Variants in SLC4A4 observed in about 807,000 individuals in gnomAD.
SLC4A4 encodes the protein solute carrier family 4 member 4.
Under a neutral mutation model 111.5 loss-of-function variants are expected in SLC4A4, and 27 were observed. That is an observed-to-expected ratio of 0.24 (90% CI 0.18 to 0.33). The LOEUF (loss-of-function observed/expected upper bound fraction) is 0.33, where lower values mean the gene tolerates loss of function less well. SLC4A4 is among the 10% of genes least tolerant of loss of function. The probability of loss-of-function intolerance (pLI) is 1.00; values close to 1 mark genes in which losing one functional copy is unlikely to be tolerated. For synonymous variants in SLC4A4, 443 were observed against 463.4 expected, an observed-to-expected ratio of 0.96 and a Z score of 0.57; for missense variants, 909 against 1,315.5, an observed-to-expected ratio of 0.69 and a Z score of 4.78.
intron 2 of SLC4A4, among the ~76,000 whole-genome samples, chr4:71,169,254 G>C (rs537337970): frequency 6.6e-6 from 1 of 151,700 alleles, no homozygotes; most frequent in South Asian, 2.1e-4. Flanking sequence ...GACCTCAGGT[G>C]ATCCACCTGC....
At chr4:71,092,701 T>G (rs923719906) in intron 1 of SLC4A4, among the ~76,000 whole-genome samples, 1 of 152,236 alleles carries the variant, frequency 6.6e-6, no homozygotes, top group African/African-American at 2.4e-5. Flanking sequence ...TTGAGATACA[T>G]CAAGTAATTG....
At chr4:71,182,742 A>ACACACT (rs1188143392), upstream of SLC4A4, among the ~76,000 whole-genome samples, 1 of 128,368 alleles carries the variant, frequency 7.8e-6, no homozygotes, top group African/African-American at 3.0e-5. Context: ...ACACACACAC[A>ACACACT]CTCTCTCTCA....
intron 6 of SLC4A4, among the ~76,000 whole-genome samples, chr4:71,373,792 A>C (rs554515131): frequency 2.0e-5 from 3 of 152,268 alleles, no homozygotes; most frequent in South Asian, 2.1e-4. Flanking sequence ...CGACTGTGGA[A>C]GTGGAAAGGA....
intron 16 of SLC4A4, among the ~76,000 whole-genome samples, chr4:71,506,666 G>C (rs149547621): frequency 2.6e-5 from 4 of 152,052 alleles, no homozygotes; most frequent in Non-Finnish European, 5.9e-5. Flanking sequence ...TTTGGAAAAC[G>C]CATTTCAGGA....
At chr4:71,550,538 C>G (rs1322746249) in intron 20 of SLC4A4, among the ~76,000 whole-genome samples, 1 of 151,846 alleles carries the variant, frequency 6.6e-6, no homozygotes, top group Non-Finnish European at 1.5e-5. Context: ...GAGTAGGAAA[C>G]CTTTTTTCCT....
chr4:71,155,270 A>G (rs1744427648), intron 2 of SLC4A4, among the ~76,000 whole-genome samples: 2 of 152,120 alleles, frequency 1.3e-5, no homozygotes, highest in South Asian at 2.1e-4. Flanking sequence ...TGGTTCTTTC[A>G]TCTGTGAATA....
At chr4:71,547,292 G>A (rs1018308972) in intron 19 of SLC4A4, among the ~76,000 whole-genome samples, 3 of 151,924 alleles carry the variant, frequency 2.0e-5, no homozygotes, top group African/African-American at 7.2e-5. Context: ...AGGTGTAAGG[G>A]TAATTACACA....
intron 3 of SLC4A4, among the ~76,000 whole-genome samples, chr4:71,272,673 C>G (rs1722780293): frequency 6.6e-6 from 1 of 152,142 alleles, no homozygotes; most frequent in Non-Finnish European, 1.5e-5. Flanking sequence ...TGTGGTCGAG[C>G]TTTATGTGCA....
At position 71,486,980 on chromosome 4, in the gene SLC4A4, G is replaced by T; in HGVS notation, c.1936G>T (p.Ala646Ser). ...NISISNDTTL[A>S]PEYLPTMSST... ...CTCAATATCTAATGACACCACACTGGCCCCAGAGTATTTGCCAACTATGTC... is the reference window on the plus strand; with the variant it reads ...CTCAATATCTAATGACACCACACTGTCCCCAGAGTATTTGCCAACTATGTC... The change falls in exon 15 of 26, where the codon GCC becomes TCC. Residue 646 changes from alanine (A) to serine (S), a missense_variant. Ala to Ser is a moderately conservative substitution (Grantham distance 99, BLOSUM62 1). Transcript: ENST00000264485. The T allele has an allele frequency of 6.2e-7, 1 of 1,602,262 alleles. No homozygotes were observed. The highest frequency in any genetic ancestry group is 8.5e-7 in the Non-Finnish European group (1 of 1,171,390).
chr4:71,371,801 C>T (rs1381391409), intron 6 of SLC4A4, among the ~76,000 whole-genome samples: 2 of 152,082 alleles, frequency 1.3e-5, no homozygotes, highest in Non-Finnish European at 2.9e-5. Flanking sequence ...GTATCTCATG[C>T]TTTTGTGTCT....
chr4:71,096,628 A>G (rs914423220), intron 2 of SLC4A4, among the ~76,000 whole-genome samples: 2 of 152,206 alleles, frequency 1.3e-5, no homozygotes, highest in Non-Finnish European at 2.9e-5. Context: ...GATCCGAATT[A>G]CTGAATTTTC....
intron 6 of SLC4A4, among the ~76,000 whole-genome samples, chr4:71,384,089 G>A (rs557256671): frequency 1.2e-3 from 184 of 152,312 alleles, no homozygotes; most frequent in Non-Finnish European, 2.1e-3. Flanking sequence ...TCAATAAGAA[G>A]GAAATCCTGT....
At chr4:71,229,705 C>T (rs547781093) in intron 1 of SLC4A4, among the ~76,000 whole-genome samples, 1 of 152,220 alleles carries the variant, frequency 6.6e-6, no homozygotes, top group South Asian at 2.1e-4. Context: ...TGTCCCTTTC[C>T]CCCAGTATGG....
In SLC4A4 at chr4:71,560,120, G is replaced by A; in HGVS notation, c.2965G>A (p.Gly989Ser). 17 of 1,611,020 alleles carry A rather than the reference G, an allele frequency of 1.1e-5. No individual in the cohort carries two copies. The highest frequency in any genetic ancestry group is 1.3e-5 in the Non-Finnish European group (15 of 1,177,826). ...MILALVAVRK[G>S]MDYLFSQHDL... ...CTTGGCACTTGTAGCTGTCAGAAAA[G>A]GCATGGACTACCTCTTCTCCCAGCA... Residue 989 changes from glycine to serine, a missense_variant, in exon 23 of 26, where the codon GGC becomes AGC. Gly to Ser is a moderately conservative substitution (Grantham distance 56, BLOSUM62 0). Transcript: ENST00000264485.
intron 16 of SLC4A4, among the ~76,000 whole-genome samples, chr4:71,510,194 A>G (rs1364737557): frequency 6.6e-6 from 1 of 152,122 alleles, no homozygotes; most frequent in African/African-American, 2.4e-5. Context: ...TTTTGTCATA[A>G]TAATAAATCT....
chr4:71,150,080 A>T (rs1744274592), intron 2 of SLC4A4, among the ~76,000 whole-genome samples: 1 of 152,174 alleles, frequency 6.6e-6, no homozygotes, highest in East Asian at 1.9e-4. Context: ...TCATAAAACC[A>T]TCTTTAATGC....
intron 1 of SLC4A4, among the ~76,000 whole-genome samples, chr4:71,214,404 A>G (rs1183437055): frequency 6.6e-6 from 1 of 152,162 alleles, no homozygotes; most frequent in East Asian, 1.9e-4. Context: ...TGGTGATCTC[A>G]ATTCTGTTTT....
chr4:71,195,266 TG>T lies in SLC4A4; in HGVS notation c.-2+7870del, dbSNP rs1374897512. On this transcript the variant is annotated intron_variant, in intron 1 of 25. Coordinates refer to ENST00000264485, the MANE Select transcript of SLC4A4 (RefSeq NM_001098484.3). ...TTTTTTTTTTTTTTTAAAGAGCTTA[TG>T]GGGGTCTTGGGTGTTTGCTGCCATC... is the stretch of plus-strand genomic sequence containing the variant. 1.2e-4 allele frequency among the ~76,000 whole-genome samples: 18 copies of T among 144,866 alleles called. No homozygotes were observed. The East Asian group carries it at 3.5e-3, about 29-fold the overall frequency.
intron 15 of SLC4A4, among the ~76,000 whole-genome samples, chr4:71,492,466 C>T (rs1267532343): frequency 1.3e-5 from 2 of 151,754 alleles, no homozygotes; most frequent in African/African-American, 4.8e-5. Context: ...TGAGATTTAC[C>T]ACAGTTAAGA....
Sources: gnomAD v4.1 joint callset for allele counts (sites outside exome capture counted in the v4.1 genomes callset) on GRCh38, gnomAD v4.1.1 for gene constraint, MANE v1.5 for transcripts, NCBI Gene and HGNC (gene_info 2026-07-23, HGNC 2026-07-21) for gene names.